SNX25: variants seen among roughly 807,000 people sequenced by gnomAD.
SNX25 encodes sorting nexin 25, also known as sorting nexin-25.
SNX25 carries 62 observed loss-of-function variants against 113.7 expected under a neutral mutation model. That is an observed-to-expected ratio of 0.55 (90% CI 0.44 to 0.67). The LOEUF (loss-of-function observed/expected upper bound fraction) is 0.67, where lower values mean the gene tolerates loss of function less well. SNX25 is among the 30% of genes least tolerant of loss of function. The probability of loss-of-function intolerance (pLI) is 0.00; values close to 1 mark genes in which losing one functional copy is unlikely to be tolerated. For missense variants in SNX25, 1,014 were observed against 1,161.0 expected (o/e 0.87, Z 1.84); for synonymous variants, 421 against 436.2 (o/e 0.97, Z 0.43).
intron 6 of SNX25, chr4:185,295,717 T>G (rs1688147740): frequency 6.6e-6 from 1 of 152,188 alleles, no homozygotes; most frequent in African/African-American, 2.4e-5. Flanking sequence ...CTCAAAGTGC[T>G]GTGATTAATC....
intron 1 of SNX25, among the ~76,000 whole-genome samples, chr4:185,225,486 A>G (rs537584542): frequency 1.3e-5 from 2 of 152,090 alleles, no homozygotes; most frequent in Non-Finnish European, 2.9e-5. Flanking sequence ...GTAATCCTCT[A>G]TGTCATTTGC....
chr4:185,274,399 C>T (rs1749375204), intron 5 of SNX25, among the ~76,000 whole-genome samples: 1 of 152,142 alleles, frequency 6.6e-6, no homozygotes, highest in Admixed American at 6.5e-5. Context: ...GAAACTACTG[C>T]ATGGTATTTC....
At chr4:185,239,228 T>C (rs575206233) in intron 1 of SNX25, among the ~76,000 whole-genome samples, 15 of 149,626 alleles carry the variant, frequency 1.0e-4, no homozygotes, top group South Asian at 4.3e-4. Context: ...ACACCTGTAA[T>C]CCCAGCACTT....
intron 5 of SNX25, among the ~76,000 whole-genome samples, chr4:185,276,157 A>G (rs1270496815): frequency 2.0e-5 from 3 of 152,246 alleles, no homozygotes; most frequent in African/African-American, 4.8e-5. Context: ...CTCTGAATTT[A>G]TTATGTTCTT....
intron 11 of SNX25, among the ~76,000 whole-genome samples, chr4:185,340,118 C>A (rs1017096356): frequency 1.3e-5 from 2 of 152,128 alleles, no homozygotes; most frequent in African/African-American, 4.8e-5. Context: ...CAAGTGGAAA[C>A]CTGGAGATGA....
chr4:185,244,383 G>C (rs1744531885), intron 1 of SNX25, among the ~76,000 whole-genome samples: 2 of 152,190 alleles, frequency 1.3e-5, no homozygotes, highest in Admixed American at 6.5e-5. Context: ...GAGAAGTTGT[G>C]ATTAAAATTA....
At position 185,238,810 on chromosome 4, in the gene SNX25, TGA is replaced by T. The variant is rs575086827; in HGVS notation, c.430-8479_430-8478del. 1.2e-4 allele frequency among the ~76,000 whole-genome samples: 18 copies of T among 152,210 alleles called. No homozygotes were observed. The East Asian group carries it at 3.5e-3, about 29-fold the overall frequency. On this transcript the variant is annotated intron_variant, in intron 1 of 18. Coordinates refer to ENST00000652585, the MANE Select transcript of SNX25 (RefSeq NM_001378034.2). ...AACTTTTAAATGTATGTAATGGAGG[TGA>T]GAGACACTTGTTTATTTGAGAAGAC...
Position 185,320,456 on chromosome 4 carries a change from A to T in SNX25, c.1345-277A>T, listed in dbSNP as rs542411795. Among the ~76,000 whole-genome samples, 21 of 152,214 alleles carry T rather than the reference A, an allele frequency of 1.4e-4. No homozygotes were observed. In the South Asian group the frequency reaches 1.9e-3, roughly 14 times the overall value. On this transcript the variant is annotated intron_variant, in intron 7 of 18. Coordinates refer to ENST00000652585, the MANE Select transcript of SNX25 (RefSeq NM_001378034.2). The stretch of plus-strand genomic sequence containing the variant: ...ACACATGGACACAGGGAGGGGAACA[A>T]CACACACCAGGGCCTATTGGGGGTG...
chr4:185,270,334 G>T (rs3112870), intron 5 of SNX25, among the ~76,000 whole-genome samples: 96,707 of 151,998 alleles, frequency 0.64, 31,172 homozygotes, highest in East Asian at 0.77. Context: ...TCCTTTCCCT[G>T]CTACTATGTG....
At chr4:185,263,758 C>T (rs143006535) in intron 3 of SNX25, among the ~76,000 whole-genome samples, 7 of 152,234 alleles carry the variant, frequency 4.6e-5, no homozygotes, top group African/African-American at 7.2e-5. Flanking sequence ...TATTAGAAAA[C>T]GCAGCATCCC....
chr4:185,238,062 CAAAAAAA>C (rs10635995), intron 1 of SNX25, among the ~76,000 whole-genome samples: 5 of 87,942 alleles, frequency 5.7e-5, no homozygotes, highest in East Asian at 3.3e-4. Flanking sequence ...GACTCCATCT[CAAAAAAA>C]AAAAAAAAAA....
At chr4:185,378,597 A>G in the SNX25 span, 11 of 996,006 alleles carry the variant, frequency 1.1e-5, no homozygotes, top group Non-Finnish European at 1.2e-5. Context: ...TGTAACTGAC[A>G]CTCATCGGAC....
intron 1 of SNX25, among the ~76,000 whole-genome samples, chr4:185,216,758 T>C (rs1316415744): frequency 2.0e-5 from 3 of 151,952 alleles, no homozygotes; most frequent in African/African-American, 7.3e-5. Context: ...TGACCTCAGA[T>C]GATCCACCCG....
intron 2 of SNX25, among the ~76,000 whole-genome samples, chr4:185,247,619 G>A (rs1242574059): frequency 6.6e-6 from 1 of 152,178 alleles, no homozygotes; most frequent in Non-Finnish European, 1.5e-5. Flanking sequence ...TGTAGAGCTA[G>A]TTCCATCATA....
At chr4:185,378,244 C>T in the SNX25 span, 1 of 1,602,012 alleles carries the variant, frequency 6.2e-7, no homozygotes, top group Non-Finnish European at 8.5e-7. Flanking sequence ...GTAGAAATTT[C>T]TTCCTCCAGC....
chr4:185,346,558 G>T lies in SNX25; in HGVS notation c.2209G>T (p.Val737Phe), dbSNP rs751250321. 5.6e-6 allele frequency: 9 copies of T among 1,594,230 alleles called. No homozygotes were observed. Among genetic ancestry groups the T allele is most frequent in the Non-Finnish European group, 6.0e-6 (7 of 1,174,616 alleles). The change falls in exon 13 of 19, where the codon GTC (valine) becomes TTC (phenylalanine). Residue 737 changes from valine to phenylalanine, a missense_variant. Physicochemically the swap from Val to Phe is conservative, Grantham distance 50. Coordinates refer to ENST00000652585, the MANE Select transcript of SNX25 (RefSeq NM_001378034.2). ...LSECVPSLKK[V>F]QLPSLSKLPF... is the part of the protein sequence containing the mutation. ...ACAGTGCGTCCCTTCTTTAAAAAAA[G>T]TCCAGTTGCCTTCTCTTAGCAAGCT...
In SNX25 at chr4:185,346,790, T is replaced by C. The variant is rs915248119; in HGVS notation, c.2301+140T>C. ...GCTAAAAAAATATCTTGGGTGTTTT[T>C]TTTAATTAAAGGAAAATACACATAT... On this transcript the variant is annotated intron_variant, in intron 13 of 18. Coordinates refer to ENST00000652585, the MANE Select transcript of SNX25 (RefSeq NM_001378034.2). 2.9e-5 allele frequency: 17 copies of C among 593,964 alleles called. No homozygotes were observed. In the Admixed American group the frequency reaches 4.5e-4, roughly 16 times the overall value. 36.8% of individuals were successfully genotyped at this position (593,964 alleles called of 1,614,324 possible). A position where few individuals can be genotyped will look rare whatever the true frequency, so the allele number is the denominator to read the frequency against.
intron 10 of SNX25, 88 bp downstream of exon 10, chr4:185,332,847 T>G: frequency 7.5e-7 from 1 of 1,335,526 alleles, no homozygotes; most frequent in Non-Finnish European, 1.0e-6. Context: ...TGTCAGTTTC[T>G]TTTAAAATAA....
At chr4:185,336,990 C>T (rs1483023019) in intron 10 of SNX25, among the ~76,000 whole-genome samples, 1 of 152,066 alleles carries the variant, frequency 6.6e-6, no homozygotes, top group Non-Finnish European at 1.5e-5. Context: ...GTGTCCTTAG[C>T]CCACTTTTTG....
Sources: allele counts gnomAD v4.1 joint callset (sites outside exome capture counted in the v4.1 genomes callset), GRCh38; gene constraint gnomAD v4.1.1; transcripts MANE v1.5; gene names NCBI Gene and HGNC (gene_info 2026-07-23, HGNC 2026-07-21).